Variants in HDAC9 observed in about 807,000 individuals in gnomAD.
HDAC9 encodes the protein MEF-2 interacting transcription repressor (MITR) protein.
Under a neutral mutation model 139.4 loss-of-function variants are expected in HDAC9, and 41 were observed. That is an observed-to-expected ratio of 0.29 (90% CI 0.23 to 0.38). The LOEUF (loss-of-function observed/expected upper bound fraction) is 0.38. Ranked by LOEUF, HDAC9 falls within the 10% of genes least tolerant of loss-of-function variation. The pLI, the probability that HDAC9 is intolerant of heterozygous loss-of-function variation, is 1.00. For missense variants in HDAC9, 1,147 were observed against 1,297.0 expected (o/e 0.88, Z 1.78); for synonymous variants, 517 against 476.2 (o/e 1.09, Z -1.12).
intron 12 of HDAC9, among the ~76,000 whole-genome samples, chr7:18,670,820 T>C (rs370318951): frequency 2.0e-5 from 3 of 151,972 alleles, no homozygotes; most frequent in Admixed American, 6.6e-5. Flanking sequence ...ATCAATAATC[T>C]TTTTTTAATA....
chr7:18,295,855 G>C (rs546529171), intron 1 of HDAC9, among the ~76,000 whole-genome samples: 16 of 152,254 alleles, frequency 1.1e-4, no homozygotes, highest in African/African-American at 3.4e-4. Context: ...GGCCAGGGAT[G>C]CTGCTGAATA....
In HDAC9 at chr7:18,934,466, A is replaced by G. The variant is rs139478255; in HGVS notation, c.2804-1343A>G. 1.3e-4 allele frequency among the ~76,000 whole-genome samples: 20 copies of G among 152,338 alleles called. No homozygotes were observed. In the East Asian group the frequency reaches 3.7e-3, roughly 28 times the overall value. ...CAAGCTTATTTTACTTCCTAAATGC[A>G]ATGATGGCTTCATATTTGAAATATT... On this transcript the variant is annotated intron_variant, in intron 22 of 25. Transcript: ENST00000686413.
chr7:18,435,533 A>G (rs984130111), intron 1 of HDAC9, among the ~76,000 whole-genome samples: 1 of 152,180 alleles, frequency 6.6e-6, no homozygotes, highest in Non-Finnish European at 1.5e-5. Context: ...TGCTACTAGT[A>G]TAGTGCAAAT....
At chr7:18,383,113 T>A (rs1585513274) in intron 1 of HDAC9, among the ~76,000 whole-genome samples, 2 of 152,200 alleles carry the variant, frequency 1.3e-5, no homozygotes, top group East Asian at 3.8e-4. Flanking sequence ...ATGACATTCA[T>A]CTGAAATGAA....
intron 22 of HDAC9, among the ~76,000 whole-genome samples, chr7:18,884,783 A>G (rs774976048): frequency 4.6e-5 from 7 of 152,198 alleles, no homozygotes. Context: ...GCAGGAAAAT[A>G]AGGAAAGAAT....
intron 1 of HDAC9, among the ~76,000 whole-genome samples, chr7:18,358,474 G>A (rs563448797): frequency 6.6e-6 from 1 of 152,312 alleles, no homozygotes; most frequent in East Asian, 1.9e-4. Context: ...AATATCTTGT[G>A]ATTTTTATTT....
chr7:18,640,357 TAAA>T (rs56655676), intron 8 of HDAC9, among the ~76,000 whole-genome samples: 6,868 of 66,178 alleles, frequency 0.1, 382 homozygotes, highest in African/African-American at 0.21. Context: ...GATCCTGTCT[TAAA>T]AAAAAAAAAA....
At chr7:18,682,166 A>G (rs1207724840) in intron 12 of HDAC9, among the ~76,000 whole-genome samples, 2 of 152,050 alleles carry the variant, frequency 1.3e-5, no homozygotes, top group African/African-American at 4.8e-5. Context: ...TTCCACATGC[A>G]AAGTATAAAT....
chr7:18,168,807 G>A (rs1273945563), intron 2 of HDAC9, among the ~76,000 whole-genome samples: 1 of 149,936 alleles, frequency 6.7e-6, no homozygotes, highest in African/African-American at 2.5e-5. Context: ...TTGTTGTAGG[G>A]TTAGAAAGCT....
intron 1 of HDAC9, among the ~76,000 whole-genome samples, chr7:18,435,907 AT>A (rs1791154174): frequency 6.7e-6 from 1 of 148,334 alleles, no homozygotes; most frequent in Admixed American, 6.8e-5. Context: ...ATAATAAAAT[AT>A]ATAATATATA....
At chr7:18,820,068 C>A (rs1039333675) in intron 17 of HDAC9, among the ~76,000 whole-genome samples, 3 of 151,922 alleles carry the variant, frequency 2.0e-5, no homozygotes, top group Non-Finnish European at 4.4e-5. Flanking sequence ...TGAATATATT[C>A]CCTTCAAAGT....
intron 13 of HDAC9, among the ~76,000 whole-genome samples, chr7:18,738,353 A>C (rs1220957760): frequency 1.3e-5 from 2 of 152,286 alleles, no homozygotes; most frequent in Non-Finnish European, 2.9e-5. Context: ...TCTTCATAGC[A>C]TCAATGGTCT....
intron 21 of HDAC9, among the ~76,000 whole-genome samples, chr7:18,865,904 AAGGT>A (rs947921416): frequency 6.6e-6 from 1 of 151,808 alleles, no homozygotes; most frequent in Non-Finnish European, 1.5e-5. Context: ...ATAGAGAAAA[AAGGT>A]AGGCTTGGAT....
chr7:18,935,133 G>A (rs1328672531), intron 22 of HDAC9, among the ~76,000 whole-genome samples: 3 of 152,186 alleles, frequency 2.0e-5, no homozygotes, highest in African/African-American at 7.2e-5. Context: ...CCCACAAGGA[G>A]GAGGATAGCT....
At chr7:18,170,089 G>T (rs1306763786) in intron 2 of HDAC9, among the ~76,000 whole-genome samples, 1 of 152,138 alleles carries the variant, frequency 6.6e-6, no homozygotes, top group Non-Finnish European at 1.5e-5. Context: ...GTGTAAAAGT[G>T]TTCCTATTTC....
At chr7:18,530,275 A>G (rs1045441295) in intron 2 of HDAC9, among the ~76,000 whole-genome samples, 8 of 152,132 alleles carry the variant, frequency 5.3e-5, no homozygotes, top group Non-Finnish European at 1.2e-4. Context: ...AACAAAACAA[A>G]AAAGAATGGA....
At chr7:18,717,284 G>A (rs558561933) in intron 12 of HDAC9, among the ~76,000 whole-genome samples, 2 of 152,212 alleles carry the variant, frequency 1.3e-5, no homozygotes, top group South Asian at 2.1e-4. Flanking sequence ...CCGCACTTGC[G>A]TACTAGAATT....
intron 1 of HDAC9, among the ~76,000 whole-genome samples, chr7:18,118,655 ATAT>A (rs1427281040): frequency 6.6e-6 from 1 of 152,188 alleles, no homozygotes; most frequent in Non-Finnish European, 1.5e-5. Context: ...CAGATGGGTG[ATAT>A]TATTACTCCA....
At chr7:18,287,708 A>G (rs1208971199), upstream of HDAC9, among the ~76,000 whole-genome samples, 1 of 152,164 alleles carries the variant, frequency 6.6e-6, no homozygotes, top group Non-Finnish European at 1.5e-5. Flanking sequence ...TGATGTGCCT[A>G]CCTGACTCCC....
Sources: allele counts gnomAD v4.1 joint callset (sites outside exome capture counted in the v4.1 genomes callset), GRCh38; gene constraint gnomAD v4.1.1; transcripts MANE v1.5; gene names NCBI Gene and HGNC (gene_info 2026-07-23, HGNC 2026-07-21).